Variants in LILRA5 observed in about 807,000 individuals in gnomAD.
LILRA5 encodes the protein leukocyte immunoglobulin-like receptor subfamily A member 5.
A neutral mutation model predicts 36.3 loss-of-function variants in LILRA5; 31 were observed. The ratio of observed to expected loss-of-function variants is 0.85; its 90% CI spans 0.64 to 1.15. The LOEUF is 1.15. Among genes scored for constraint, LILRA5 ranks in the 50% most tolerant of loss-of-function variants. LILRA5 has a pLI of 0.00. For missense variants in LILRA5, 348 were observed against 377.4 expected, an observed-to-expected ratio of 0.92 and a Z score of 0.64; for synonymous variants, 144 against 144.8, an observed-to-expected ratio of 0.99 and a Z score of 0.04.
chr19:54,307,366 C>T lies in LILRA5; in HGVS notation c.*47G>A, dbSNP rs200518562. On this transcript the variant is annotated 3_prime_UTR_variant, in exon 7 of 7. Transcript: ENST00000432233. ...CCGAACCTCCTAGGACCATCAGATT[C>T]GCTTCCAAGGCTCCAGCATTCAATG... is the stretch of plus-strand genomic sequence containing the variant. 25 of 1,560,672 alleles carry T rather than the reference C, an allele frequency of 1.6e-5. No individual in the cohort carries two copies. Among genetic ancestry groups the T allele is most frequent in the East Asian group, 6.7e-5 (3 of 44,522 alleles).
chr19:54,310,079 C>T (rs530622741), intron 5 of LILRA5: 43 of 265,762 alleles, frequency 1.6e-4, no homozygotes, highest in African/African-American at 9.0e-4. Flanking sequence ...GCAGCCTCCT[C>T]CCCTGTCCTG....
At chr19:54,308,335 G>GTGTGTGTGTGTATATA (rs1421820479) in intron 5 of LILRA5, 1 of 57,876 alleles carries the variant, frequency 1.7e-5, no homozygotes, top group Non-Finnish European at 4.5e-5. Context: ...GTGTGTGTGT[G>GTGTGTGTGTGTATATA]TATATATATG....
At chr19:54,308,929 G>C (rs773061129) in intron 5 of LILRA5, 6 of 152,048 alleles carry the variant, frequency 3.9e-5, no homozygotes, top group East Asian at 1.9e-4. Context: ...TAAAACTTTA[G>C]ATATTTATTT....
At chr19:54,309,260 C>G (rs536745793) in intron 5 of LILRA5, 1 of 152,074 alleles carries the variant, frequency 6.6e-6, no homozygotes, top group Non-Finnish European at 1.5e-5. Flanking sequence ...GTCAGGAGAT[C>G]GAGACCATCC....
In LILRA5 at chr19:54,312,544, G is replaced by A; in HGVS notation, c.81C>T (p.Leu27=). The A allele has an allele frequency of 6.2e-7, 1 of 1,614,236 alleles. No individual in the cohort carries two copies. Among genetic ancestry groups the A allele is most frequent in the South Asian group, 1.1e-5 (1 of 91,092 alleles). The change falls in exon 2 of 7, where the codon CTC becomes CTT. Residue 27 remains leucine, a synonymous_variant. Coordinates refer to ENST00000432233, the MANE Select transcript of LILRA5 (RefSeq NM_021250.4). ...DAVSPALMVL[L]CLGLSLGPRT... Reference sequence around the variant, plus strand: ...TGAGGCTTCCAATCTCACCGAGGCAGAGCAGAACCATGAGGGCAGGGCTCA... The same window carrying A: ...TGAGGCTTCCAATCTCACCGAGGCAAAGCAGAACCATGAGGGCAGGGCTCA...
intron 1 of LILRA5, 157 bp from the exon 2 acceptor site, chr19:54,312,778 C>T (rs1044668785): frequency 9.4e-5 from 76 of 807,446 alleles, no homozygotes; most frequent in Non-Finnish European, 1.5e-4. Context: ...GTTGAGACTA[C>T]AGGCACCAGG....
Position 54,313,156 on chromosome 19 carries a change from A to T in LILRA5, c.-137T>A. On this transcript the variant is annotated 5_prime_UTR_variant, in exon 1 of 7. Transcript: ENST00000432233. ...GAGCTGCATGTGGCAATGAGCACAG[A>T]GGAGAAATGCAGGGAAATAGGGGAG... 1.1e-6 allele frequency: 1 copy of T among 881,068 alleles called. No homozygotes were observed. The highest frequency in any genetic ancestry group is 1.8e-6 in the Non-Finnish European group (1 of 541,376). 54.6% of individuals were successfully genotyped at this position (881,068 alleles called of 1,614,324 possible).
intron 5 of LILRA5, chr19:54,310,433 C>T (rs939240148): frequency 1.3e-5 from 2 of 153,916 alleles, no homozygotes; most frequent in Non-Finnish European, 2.9e-5. Context: ...GGGGTTTTTA[C>T]ACATCTTTGC....
At chr19:54,308,345 G>GTATATATAAATATATATATATATATA (rs1180863550) in intron 5 of LILRA5, 1 of 73,334 alleles carries the variant, frequency 1.4e-5, no homozygotes, top group Non-Finnish European at 2.9e-5. Context: ...GTATATATAT[G>GTATATATAAATATATATATATATATA]TATATATAAA....
chr19:54,307,606 A>G, intron 6 of LILRA5, 57 bp from the exon 7 acceptor site: 1 of 1,612,164 alleles, frequency 6.2e-7, no homozygotes, highest in Non-Finnish European at 8.5e-7. Context: ...ATCACCCAGG[A>G]CCCCTGGATG....
Position 54,313,047 on chromosome 19 carries a change from G to A in LILRA5, c.-28C>T, listed in dbSNP as rs201848609. The A allele has an allele frequency of 1.0e-5, 16 of 1,549,950 alleles. No homozygotes were observed. The highest frequency in any genetic ancestry group is 1.3e-5 in the Non-Finnish European group (15 of 1,123,622). On this transcript the variant is annotated 5_prime_UTR_variant, in exon 1 of 7. Transcript: ENST00000432233. ...TCAGTGATTTTTCAGCCCTGGAGAT[G>A]CTTCAGGGAAGATGCAGGTCCATGC...
rs994387786 is a variant in LILRA5, at chr19:54,308,158, G to A, written c.713-410C>T. 2.8e-5 allele frequency: 5 copies of A among 176,870 alleles called. No individual in the cohort carries two copies. In the South Asian group the frequency reaches 6.5e-4, roughly 23 times the overall value. The allele number at this position is 176,870 out of a possible 1,614,324, so 11.0% of individuals were successfully genotyped here. On this transcript the variant is annotated intron_variant, in intron 5 of 6. Coordinates refer to ENST00000432233, the MANE Select transcript of LILRA5 (RefSeq NM_021250.4). ...AGGACCCAGGCTCCATGGATGACGG[G>A]TTGGTCCTCAGGGGCTCCTGAAAGT...
At chr19:54,307,824 C>T in intron 5 of LILRA5, 76 bp from the exon 6 acceptor site, 1 of 1,232,776 alleles carries the variant, frequency 8.1e-7, no homozygotes. Context: ...CTGAGCTCTG[C>T]ATTCTCCTAG....
chr19:54,307,966 C>A, intron 5 of LILRA5: 1 of 579,994 alleles, frequency 1.7e-6, no homozygotes, highest in Non-Finnish European at 3.1e-6. Flanking sequence ...AAACTTTGCT[C>A]CTGAGTCATT....
chr19:54,311,815 C>T, intron 4 of LILRA5, 49 bp downstream of exon 4: 1 of 1,613,632 alleles, frequency 6.2e-7, no homozygotes, highest in Non-Finnish European at 8.5e-7. Flanking sequence ...GAGCCGACCC[C>T]CTTCCTGAGG....
chr19:54,310,675 C>A (rs2080990564), intron 5 of LILRA5: 2 of 296,764 alleles, frequency 6.7e-6, no homozygotes, highest in South Asian at 2.8e-5. Context: ...TTGGGGGTCA[C>A]TTCCAAGCTC....
intron 3 of LILRA5, 72 bp from the exon 4 acceptor site, chr19:54,312,220 C>A: frequency 6.2e-7 from 1 of 1,611,560 alleles, no homozygotes; most frequent in Non-Finnish European, 8.5e-7. Flanking sequence ...CCCCAGGACC[C>A]TCCAGACGTC....
In LILRA5 at chr19:54,312,029, C is replaced by T; in HGVS notation, c.244G>A (p.Gly82Arg). 1 of 1,614,140 alleles carries T rather than the reference C, an allele frequency of 6.2e-7. No homozygotes were observed. The highest frequency in any genetic ancestry group is 1.6e-4 in the Middle Eastern group (1 of 6,062). Residue 82 changes from glycine (G) to arginine (R), a missense_variant, in exon 4 of 7, where the codon GGA (glycine) becomes AGA (arginine). Physicochemically the swap from Gly to Arg is moderately radical, Grantham distance 125 (BLOSUM62 -2). Transcript: ENST00000432233. Reference sequence around the variant, plus strand: ...TGTGTGTCCCAGGGTTCTGGGCTTCCCTCTTTAACCAGACGGTATTCCTGG... The same window carrying T: ...TGTGTGTCCCAGGGTTCTGGGCTTCTCTCTTTAACCAGACGGTATTCCTGG... The part of the protein sequence containing the change: ...EAQEYRLVKE[G>R]SPEPWDTQNP...
chr19:54,308,831 T>A (rs1306595658), intron 5 of LILRA5: 1 of 152,076 alleles, frequency 6.6e-6, no homozygotes, highest in African/African-American at 2.4e-5. Context: ...ATTAAGCATG[T>A]AGATATACGT....
Sources: allele counts gnomAD v4.1 joint callset, GRCh38; gene constraint gnomAD v4.1.1; transcripts MANE v1.5; gene names NCBI Gene and HGNC (gene_info 2026-07-23, HGNC 2026-07-21).